The following ATCAY variants were observed in gnomAD, a reference collection of about 807,000 sequenced individuals.
The protein encoded by ATCAY is ATCAY kinesin light chain interacting caytaxin, also known as caytaxin.
Under a neutral mutation model 47.7 loss-of-function variants are expected in ATCAY, and 22 were observed. That is an observed-to-expected ratio of 0.46 (90% CI 0.33 to 0.66). The LOEUF (loss-of-function observed/expected upper bound fraction) is 0.66, where lower values mean the gene tolerates loss of function less well. Ranked by LOEUF, ATCAY falls within the 30% of genes least tolerant of loss-of-function variation. The pLI is 0.02. For missense variants in ATCAY, 452 were observed against 515.0 expected, an observed-to-expected ratio of 0.88 and a Z score of 1.18; for synonymous variants, 216 against 207.6, an observed-to-expected ratio of 1.04 and a Z score of -0.35.
chr19:3,905,701 C>CG (rs769843512), intron 4 of ATCAY, 46 bp downstream of exon 4: 2 of 1,525,126 alleles, frequency 1.3e-6, no homozygotes, highest in South Asian at 2.3e-5. Context: ...CCACCCCCCC[C>CG]ACCCCACCTT....
At chr19:3,902,593 G>A (rs374321481) in intron 3 of ATCAY, 48 bp downstream of exon 3, 34 of 1,544,106 alleles carry the variant, frequency 2.2e-5, no homozygotes, top group African/African-American at 1.9e-4. Context: ...CAGTGTTTCC[G>A]GGTTTCAGCC....
At position 3,927,923 on chromosome 19, in the gene ATCAY, C is replaced by G. The variant is rs957321297; in HGVS notation, c.*3331C>G. ...ACATGGGATGCGTCATAAACCCTCC[C>G]CCAAAGTCCTGGTCAGCAGCCCATC... On this transcript the variant is annotated 3_prime_UTR_variant, in exon 13 of 13. Coordinates refer to ENST00000450849, the MANE Select transcript of ATCAY (RefSeq NM_033064.5). 10 of 152,238 alleles carry G rather than the reference C, an allele frequency of 6.6e-5. No homozygotes were observed. Among genetic ancestry groups the G allele is most frequent in the African/African-American group, 2.4e-4 (10 of 41,452 alleles). The allele number at this position is 152,238 out of a possible 1,614,324, so 9.4% of individuals were successfully genotyped here.
At chr19:3,894,038 A>C (rs2038743008) in intron 2 of ATCAY, among the ~76,000 whole-genome samples, 1 of 152,106 alleles carries the variant, frequency 6.6e-6, no homozygotes, top group Non-Finnish European at 1.5e-5. Context: ...CGCCAACATC[A>C]TGCTTAAAAG....
At chr19:3,912,568 C>T (rs569732086) in intron 8 of ATCAY, among the ~76,000 whole-genome samples, 89 of 151,960 alleles carry the variant, frequency 5.9e-4, no homozygotes, top group African/African-American at 2.1e-3. Flanking sequence ...CCTTGGCCTC[C>T]CAAAGTGAAA....
chr19:3,913,851 C>A lies in ATCAY; in HGVS notation c.960C>A (p.Val320=). ...PMEHVQIPDC[V]LQYEEERLKA... is the part of the protein sequence containing the mutation. ...AACACGTCCAGATCCCAGACTGCGTCCTGCAGTGAGTGGCCCCACAGTCCA... is the reference window on the plus strand; with the variant it reads ...AACACGTCCAGATCCCAGACTGCGTACTGCAGTGAGTGGCCCCACAGTCCA... Residue 320 remains valine (V), a synonymous_variant, in exon 9 of 13, where the codon GTC becomes GTA. Transcript: ENST00000450849. The A allele has an allele frequency of 6.2e-7, 1 of 1,612,546 alleles. No homozygotes were observed. Among genetic ancestry groups the A allele is most frequent in the Non-Finnish European group, 8.5e-7 (1 of 1,179,022 alleles).
At chr19:3,900,306 C>T (rs1214172464) in intron 2 of ATCAY, among the ~76,000 whole-genome samples, 1 of 151,704 alleles carries the variant, frequency 6.6e-6, no homozygotes, top group Non-Finnish European at 1.5e-5. Context: ...GTCCTCCCAC[C>T]TCAGCCTCCA....
chr19:3,910,763 C>T, intron 7 of ATCAY, 40 bp from the exon 8 acceptor site: 1 of 1,607,110 alleles, frequency 6.2e-7, no homozygotes, highest in African/African-American at 1.3e-5. Context: ...CCAGGGCTCG[C>T]CCCAGGAGCC....
intron 2 of ATCAY, among the ~76,000 whole-genome samples, chr19:3,897,031 C>T (rs1209119440): frequency 6.6e-6 from 1 of 152,088 alleles, no homozygotes; most frequent in East Asian, 1.9e-4. Flanking sequence ...CCCGCCTCAG[C>T]CTCCCAAAGC....
intron 10 of ATCAY, among the ~76,000 whole-genome samples, chr19:3,918,107 A>ACCCAGCACTTTGAGAGGCTGTAAT (rs2038981707): frequency 6.6e-6 from 1 of 152,130 alleles, no homozygotes; most frequent in Non-Finnish European, 1.5e-5. Flanking sequence ...GCGGTGGCTC[A>ACCCAGCACTTTGAGAGGCTGTAAT]CCCAGCACTT....
chr19:3,917,444 C>T (rs1599147023), intron 9 of ATCAY, among the ~76,000 whole-genome samples: 3 of 151,436 alleles, frequency 2.0e-5, no homozygotes, highest in Middle Eastern at 3.4e-3. Flanking sequence ...ATTAGCTGGG[C>T]GTGGTAGCAG....
At chr19:3,890,061 C>T (rs1244730289) in intron 2 of ATCAY, among the ~76,000 whole-genome samples, 1 of 150,922 alleles carries the variant, frequency 6.6e-6, no homozygotes, top group Non-Finnish European at 1.5e-5. Context: ...TCTCCTGCTT[C>T]AGCCTCCCAA....
In ATCAY at chr19:3,912,727, T is replaced by A. The variant is rs563941668; in HGVS notation, c.867-1031T>A. Among the ~76,000 whole-genome samples, 199 of 150,964 alleles carry A rather than the reference T, an allele frequency of 1.3e-3. 1 individual carries two copies. Among genetic ancestry groups the A allele is most frequent in the Non-Finnish European group, 6.9e-4 (47 of 67,734 alleles). On this transcript the variant is annotated intron_variant, in intron 8 of 12. Transcript: ENST00000450849. Reference sequence around the variant, plus strand: ...AGACCTCCATCTCTACAAAAAAAAATTTTTTTTAATTAGCCAGGCCTGGTG... The same window carrying A: ...AGACCTCCATCTCTACAAAAAAAAAATTTTTTTAATTAGCCAGGCCTGGTG...
chr19:3,915,761 C>G (rs4553742), intron 9 of ATCAY, among the ~76,000 whole-genome samples: 39,294 of 141,330 alleles, frequency 0.28, 6,193 homozygotes, highest in South Asian at 0.6. Context: ...ACTCTTGTTG[C>G]CCAGGCTGGT....
Position 3,908,381 on chromosome 19 carries a change from G to A in ATCAY, c.647+11G>A, listed in dbSNP as rs767330313. ...GGAGAACCTCTTCCTGTGAGTCCCC[G>A]CCCGCGGCGAGCAGCCTCGGGCCAG... On this transcript the variant is annotated intron_variant, in intron 6 of 12. Coordinates refer to ENST00000450849, the MANE Select transcript of ATCAY (RefSeq NM_033064.5). 7.2e-5 allele frequency: 113 copies of A among 1,572,800 alleles called. No homozygotes were observed. Among genetic ancestry groups the A allele is most frequent in the Middle Eastern group, 3.3e-4 (2 of 6,018 alleles).
chr19:3,912,837 A>T (rs2145255358), intron 8 of ATCAY, among the ~76,000 whole-genome samples: 1 of 151,802 alleles, frequency 6.6e-6, no homozygotes. Flanking sequence ...GTGAGCCATG[A>T]TTACACCACT....
chr19:3,896,657 A>G (rs922105906), intron 2 of ATCAY, among the ~76,000 whole-genome samples: 1 of 152,194 alleles, frequency 6.6e-6, no homozygotes, highest in Admixed American at 6.5e-5. Context: ...TGGACCGTCC[A>G]AGGTTATGAG....
chr19:3,881,410 G>A (rs1196273248), intron 1 of ATCAY, among the ~76,000 whole-genome samples: 3 of 150,886 alleles, frequency 2.0e-5, no homozygotes, highest in Non-Finnish European at 4.4e-5. Context: ...AAATCTAAGT[G>A]TGTCGATAAA....
intron 3 of ATCAY, among the ~76,000 whole-genome samples, chr19:3,904,666 T>C (rs2038845010): frequency 6.6e-6 from 1 of 151,784 alleles, no homozygotes; most frequent in Admixed American, 6.6e-5. Flanking sequence ...ACACGTCCTA[T>C]TGGATTTGTT....
At chr19:3,906,428 G>A (rs937693898) in intron 4 of ATCAY, among the ~76,000 whole-genome samples, 3 of 150,484 alleles carry the variant, frequency 2.0e-5, no homozygotes, top group African/African-American at 7.3e-5. Flanking sequence ...TCAGCCTCCC[G>A]AGTAGCTGGG....
Sources: gnomAD v4.1 joint callset for allele counts (sites outside exome capture counted in the v4.1 genomes callset) on GRCh38, gnomAD v4.1.1 for gene constraint, MANE v1.5 for transcripts, NCBI Gene and HGNC (gene_info 2026-07-23, HGNC 2026-07-21) for gene names.